Variants in NSMCE2 observed in about 807,000 individuals in gnomAD.
NSMCE2 encodes NSE2 SUMO ligase component of SMC5/6 complex.
A neutral mutation model predicts 23.8 loss-of-function variants in NSMCE2; 24 were observed. That is an observed-to-expected ratio of 1.01 (90% CI 0.73 to 1.42). The LOEUF (loss-of-function observed/expected upper bound fraction) is 1.42. NSMCE2 is among the 40% of genes most tolerant of loss of function. The pLI is 0.00. For missense variants in NSMCE2, 284 were observed against 296.5 expected (o/e 0.96, Z 0.31); for synonymous variants, 92 against 94.1 (o/e 0.98, Z 0.13).
At chr8:125,272,941 G>A (rs1190910833) in intron 5 of NSMCE2, among the ~76,000 whole-genome samples, 1 of 151,950 alleles carries the variant, frequency 6.6e-6, no homozygotes, top group Admixed American at 6.6e-5. Flanking sequence ...TGGGAGCTAG[G>A]CCAGGGTTGA....
chr8:125,219,216 C>G (rs937770386), intron 5 of NSMCE2, among the ~76,000 whole-genome samples: 7 of 152,182 alleles, frequency 4.6e-5, no homozygotes, highest in Admixed American at 4.6e-4. Context: ...CCTGAGTTGA[C>G]TTTCGTACTT....
At position 125,265,588 on chromosome 8, in the gene NSMCE2, T is replaced by C. The variant is rs141076564; in HGVS notation, c.418+83332T>C. ...TGCTATCTTTATTCAGTTTTTTGTT[T>C]TTTGTACCCTCTTAAATTTTGCCTC... On this transcript the variant is annotated intron_variant, in intron 5 of 7. Transcript: ENST00000287437. Among the ~76,000 whole-genome samples the C allele has an allele frequency of 1.9e-4, 29 of 152,330 alleles. No individual in the cohort carries two copies. The East Asian group carries it at 2.7e-3, about 14-fold the overall frequency.
intron 3 of NSMCE2, among the ~76,000 whole-genome samples, chr8:125,109,179 G>T (rs1818609993): frequency 2.0e-5 from 3 of 152,116 alleles, no homozygotes; most frequent in Admixed American, 1.3e-4. Flanking sequence ...TGATTGCTTG[G>T]GTTCTTATCC....
intron 5 of NSMCE2, among the ~76,000 whole-genome samples, chr8:125,321,490 ACT>A (rs1308888791): frequency 2.6e-5 from 4 of 152,172 alleles, no homozygotes; most frequent in African/African-American, 9.7e-5. Context: ...GTCTACAGAA[ACT>A]CTGACAGAAA....
At chr8:125,114,721 A>G (rs1818913206) in intron 3 of NSMCE2, among the ~76,000 whole-genome samples, 2 of 152,236 alleles carry the variant, frequency 1.3e-5, no homozygotes, top group South Asian at 4.1e-4. Context: ...CTAAGCTGTC[A>G]TTAGTGCTGA....
At chr8:125,303,521 T>C (rs1471697103) in intron 5 of NSMCE2, among the ~76,000 whole-genome samples, 1 of 152,138 alleles carries the variant, frequency 6.6e-6, no homozygotes, top group Admixed American at 6.6e-5. Flanking sequence ...ACTGCTTATT[T>C]TGTGCGAAGT....
chr8:125,204,344 T>C (rs1824014991), intron 5 of NSMCE2, among the ~76,000 whole-genome samples: 1 of 152,218 alleles, frequency 6.6e-6, no homozygotes, highest in South Asian at 2.1e-4. Flanking sequence ...CTTGCCCAGT[T>C]TGACCATTGG....
chr8:125,342,029 G>T (rs1343688295), intron 5 of NSMCE2, among the ~76,000 whole-genome samples: 8 of 152,092 alleles, frequency 5.3e-5, no homozygotes, highest in Admixed American at 5.2e-4. Flanking sequence ...TGGTGGGGGG[G>T]TTAAGGGGAG....
At chr8:125,341,329 A>G (rs532946083) in intron 5 of NSMCE2, among the ~76,000 whole-genome samples, 23 of 152,216 alleles carry the variant, frequency 1.5e-4, no homozygotes, top group Admixed American at 7.2e-4. Context: ...GGATCTTTAT[A>G]TTTTCCTGTA....
intron 5 of NSMCE2, among the ~76,000 whole-genome samples, chr8:125,210,846 C>T (rs551808765): frequency 4.2e-4 from 64 of 152,168 alleles, no homozygotes; most frequent in African/African-American, 1.4e-3. Flanking sequence ...TCAGCCTCCC[C>T]AGTAGCTAGG....
intron 5 of NSMCE2, among the ~76,000 whole-genome samples, chr8:125,234,269 T>A (rs929685083): frequency 2.6e-5 from 4 of 152,172 alleles, no homozygotes; most frequent in African/African-American, 9.7e-5. Context: ...TCAACATTCA[T>A]CTAGACTAAT....
chr8:125,220,279 GTT>G (rs1034597000), intron 5 of NSMCE2, among the ~76,000 whole-genome samples: 1 of 152,006 alleles, frequency 6.6e-6, no homozygotes, highest in African/African-American at 2.4e-5. Flanking sequence ...ATGTTTTTGT[GTT>G]TAGCTTCTGG....
chr8:125,313,637 C>T (rs938290775), intron 5 of NSMCE2, among the ~76,000 whole-genome samples: 1 of 152,188 alleles, frequency 6.6e-6, no homozygotes, highest in Non-Finnish European at 1.5e-5. Context: ...TCCTCAAAAT[C>T]GGTCATCCTG....
intron 1 of NSMCE2, among the ~76,000 whole-genome samples, chr8:125,095,418 C>T (rs1382766024): frequency 1.3e-5 from 2 of 150,642 alleles, no homozygotes; most frequent in East Asian, 4.0e-4. Context: ...GGGAGATGGT[C>T]GTCTCTACTA....
intron 5 of NSMCE2, among the ~76,000 whole-genome samples, chr8:125,296,686 G>A (rs368910356): frequency 2.0e-5 from 3 of 152,180 alleles, no homozygotes; most frequent in South Asian, 2.1e-4. Flanking sequence ...GTGAGTCACC[G>A]CACCCGGCCT....
At chr8:125,168,688 A>G (rs1220060634) in intron 4 of NSMCE2, among the ~76,000 whole-genome samples, 3 of 152,186 alleles carry the variant, frequency 2.0e-5, no homozygotes, top group African/African-American at 7.2e-5. Flanking sequence ...ATCTCTTCCC[A>G]GAGGCCTCAC....
rs572874223 is a variant in NSMCE2 at position 125,171,793 on chromosome 8, T to C, written c.265-10310T>C. ...TGTGATCATTTGAGTGCTTACCAAG[T>C]ACTAGAGAGTATTCTCTAAGTCAGC... On this transcript the variant is annotated intron_variant, in intron 4 of 7. Coordinates refer to ENST00000287437, the MANE Select transcript of NSMCE2 (RefSeq NM_173685.4). 7.2e-4 allele frequency among the ~76,000 whole-genome samples: 109 copies of C among 152,308 alleles called. 1 individual carries two copies. Among genetic ancestry groups the C allele is most frequent in the Non-Finnish European group, 1.4e-3 (93 of 68,022 alleles).
intron 5 of NSMCE2, among the ~76,000 whole-genome samples, chr8:125,265,869 A>T (rs1301119609): frequency 2.6e-5 from 4 of 152,058 alleles, no homozygotes; most frequent in African/African-American, 9.7e-5. Flanking sequence ...AATGACTTTC[A>T]TGGTTCCTTT....
chr8:125,126,154 G>A (rs1197578652), intron 3 of NSMCE2, among the ~76,000 whole-genome samples: 1 of 152,080 alleles, frequency 6.6e-6, no homozygotes, highest in Non-Finnish European at 1.5e-5. Flanking sequence ...AGGCCAAGGC[G>A]GGCAGATCAC....
Sources: gnomAD v4.1 joint callset for allele counts (sites outside exome capture counted in the v4.1 genomes callset) on GRCh38, gnomAD v4.1.1 for gene constraint, MANE v1.5 for transcripts, NCBI Gene and HGNC (gene_info 2026-07-23, HGNC 2026-07-21) for gene names.